The following PRPF8 variants were observed in gnomAD, a reference collection of about 807,000 sequenced individuals.
The protein encoded by PRPF8 is pre-mRNA processing factor 8.
In PRPF8, 64 loss-of-function variants were observed where a neutral mutation model predicts 285.9. The ratio of observed to expected loss-of-function variants is 0.22; its 90% CI spans 0.18 to 0.28. The LOEUF (loss-of-function observed/expected upper bound fraction) is 0.28, where lower values mean the gene tolerates loss of function less well. PRPF8 is among the 10% of genes least tolerant of loss of function. PRPF8 has a pLI of 1.00. For synonymous variants in PRPF8, 1,325 were observed against 1,118.2 expected (o/e 1.18, Z -3.69); for missense variants, 1,426 against 3,026.7 (o/e 0.47, Z 12.41).
At position 1,679,409 on chromosome 17, in the gene PRPF8, A is replaced by G. The variant is rs762948630; in HGVS notation, c.1291T>C (p.Tyr431His). The change falls in exon 10 of 43, where the codon TAT becomes CAT. Residue 431 changes from tyrosine (Y) to histidine (H), a missense_variant and splice_region_variant. Physicochemically the swap from Tyr to His is moderately conservative, Grantham distance 83. Transcript: ENST00000304992. The surrounding 1 kb of genome is among the most constrained non-coding windows in gnomAD (Gnocchi z 4.7). ...TGCCCGGCAGGACAATGCTCCCGAT[A>G]CCTGGAAAAATAAGCCCACCAGAGT... is the stretch of plus-strand genomic sequence containing the variant. Reference protein sequence around the residue: ...ALDIPLVKNWYREHCPAGQPV... With the variant: ...ALDIPLVKNWHREHCPAGQPV... 6.2e-7 allele frequency: 1 copy of G among 1,612,434 alleles called. No individual in the cohort carries two copies. Among genetic ancestry groups the G allele is most frequent in the Admixed American group, 1.7e-5 (1 of 59,988 alleles).
At position 1,681,706 on chromosome 17, in the gene PRPF8, A is replaced by G. The variant is rs377384443; in HGVS notation, c.654-16T>C. ...ATTTACATACCTAGGTAAAAAATGA[A>G]AGGCCCACCTCAAGTAAGCAGCTAG... On this transcript the variant is annotated splice_polypyrimidine_tract_variant and intron_variant, in intron 5 of 42. Coordinates refer to ENST00000304992, the MANE Select transcript of PRPF8 (RefSeq NM_006445.4). The G allele has an allele frequency of 1.2e-6, 2 of 1,613,232 alleles. No individual in the cohort carries two copies. Among genetic ancestry groups the G allele is most frequent in the Non-Finnish European group, 1.7e-6 (2 of 1,179,334 alleles).
chr17:1,659,153 G>A lies in PRPF8; in HGVS notation c.5138+204C>T. 2.9e-6 allele frequency: 2 copies of A among 681,264 alleles called. No individual in the cohort carries two copies. The highest frequency in any genetic ancestry group is 5.2e-6 in the Non-Finnish European group (2 of 385,462). 42.2% of individuals were successfully genotyped at this position (681,264 alleles called of 1,614,324 possible). A position where few individuals can be genotyped will look rare whatever the true frequency, so the allele number is the denominator to read the frequency against. On this transcript the variant is annotated intron_variant, in intron 32 of 42. Coordinates refer to ENST00000304992, the MANE Select transcript of PRPF8 (RefSeq NM_006445.4). The surrounding 1 kb of genome is among the most constrained non-coding windows in gnomAD (Gnocchi z 5.1). ...TAATTCTCCCACCTCAACCTTCTGA[G>A]TAGCTGGGACTACAGGCGTGGACCA...
At position 1,684,827 on chromosome 17, in the gene PRPF8, G is replaced by A. The variant is rs987826695; in HGVS notation, c.-59C>T. The A allele has an allele frequency of 1.0e-5, 6 of 597,140 alleles. No individual in the cohort carries two copies. Among genetic ancestry groups the A allele is most frequent in the Admixed American group, 5.9e-5 (2 of 33,728 alleles). The allele number at this position is 597,140 out of a possible 1,614,324, so 37.0% of individuals were successfully genotyped here. On this transcript the variant is annotated 5_prime_UTR_variant, in exon 1 of 43. Transcript: ENST00000304992. ...GCCGCTTTCCCCGCAGCGCAATGGCGGCCAGACTGCGTCCGCTCCGCGTTC... is the reference window on the plus strand; with the variant it reads ...GCCGCTTTCCCCGCAGCGCAATGGCAGCCAGACTGCGTCCGCTCCGCGTTC...
At position 1,681,583 on chromosome 17, in the gene PRPF8, T is replaced by C; in HGVS notation, c.761A>G (p.Tyr254Cys). The C allele has an allele frequency of 6.2e-7, 1 of 1,613,774 alleles. No individual in the cohort carries two copies. ...GGCCTTCAAATCAAACAGGTAGAAGTAGTTGTCATCCACCAAGTCTGTCAG... is the reference window on the plus strand; with the variant it reads ...GGCCTTCAAATCAAACAGGTAGAAGCAGTTGTCATCCACCAAGTCTGTCAG... ...QLLTDLVDDN[Y>C]FYLFDLKAFF... is the part of the protein sequence containing the mutation. Residue 254 changes from tyrosine (Y) to cysteine (C), a missense_variant, in exon 6 of 43, where the codon TAC becomes TGC. Physicochemically the swap from Tyr to Cys is radical, Grantham distance 194. Transcript: ENST00000304992.
Position 1,661,472 on chromosome 17 carries a change from G to A in PRPF8, c.4203-66C>T. 2 of 1,612,568 alleles carry A rather than the reference G, an allele frequency of 1.2e-6. No homozygotes were observed. The highest frequency in any genetic ancestry group is 2.2e-5 in the East Asian group (1 of 44,876). Reference sequence around the variant, plus strand: ...TATGAGGAGCTCAGCACTCCTTCCTGGCCAAAAATAATTAGGGTCAGTAGA... The same window carrying A: ...TATGAGGAGCTCAGCACTCCTTCCTAGCCAAAAATAATTAGGGTCAGTAGA... On this transcript the variant is annotated intron_variant, in intron 26 of 42. Coordinates refer to ENST00000304992, the MANE Select transcript of PRPF8 (RefSeq NM_006445.4). This position sits in a 1 kb window ranked among gnomAD's most constrained non-coding sequence, Gnocchi z 7.3.
At position 1,659,418 on chromosome 17, in the gene PRPF8, T is replaced by TC; in HGVS notation, c.5076dup (p.Ser1693GlufsTer14). The TC allele has an allele frequency of 6.2e-7, 1 of 1,614,028 alleles. No individual in the cohort carries two copies. Among genetic ancestry groups the TC allele is most frequent in the Non-Finnish European group, 8.5e-7 (1 of 1,180,010 alleles). ...ACACCTGTGGGCGAAGGGTAGATAC[T>TC]CATGTTGTCGGTGGTGTAGTCCAGG... On this transcript the variant is annotated frameshift_variant, in exon 32 of 43. Coordinates refer to ENST00000304992, the MANE Select transcript of PRPF8 (RefSeq NM_006445.4). LOFTEE classifies it high-confidence loss of function. This position sits in a 1 kb window ranked among gnomAD's most constrained non-coding sequence, Gnocchi z 5.1.
chr17:1,681,744 C>T (rs1379906015), intron 5 of PRPF8, 54 bp from the exon 6 acceptor site: 1 of 1,609,204 alleles, frequency 6.2e-7, no homozygotes, highest in Non-Finnish European at 8.5e-7. Context: ...AAACCCATAC[C>T]ACCTACTGAT....
chr17:1,674,132 C>T (rs1437259573), intron 21 of PRPF8, among the ~76,000 whole-genome samples: 1 of 152,230 alleles, frequency 6.6e-6, no homozygotes, highest in East Asian at 1.9e-4. Context: ...ACGCCCTTCT[C>T]CAGCCTCAGC....
intron 1 of PRPF8, 55 bp from the exon 2 acceptor site, chr17:1,684,637 A>T: frequency 6.5e-7 from 1 of 1,548,676 alleles, no homozygotes; most frequent in Non-Finnish European, 8.8e-7. Context: ...GCCCACAAGA[A>T]GCGCAGCAGA....
chr17:1,665,801 G>C (rs1236992008), intron 24 of PRPF8, among the ~76,000 whole-genome samples: 1 of 149,478 alleles, frequency 6.7e-6, no homozygotes, highest in African/African-American at 2.5e-5. Flanking sequence ...AGCTGAGATC[G>C]CGCCACTGCA....
chr17:1,664,478 CAG>C (rs2151118533), intron 24 of PRPF8, among the ~76,000 whole-genome samples: 1 of 152,184 alleles, frequency 6.6e-6, no homozygotes, highest in Non-Finnish European at 1.5e-5. Context: ...ACACATAGGA[CAG>C]GCACCAAGAG....
At chr17:1,655,309 T>G in intron 37 of PRPF8, 41 bp downstream of exon 37, 1 of 1,609,034 alleles carries the variant, frequency 6.2e-7, no homozygotes, top group South Asian at 1.1e-5. Flanking sequence ...CAGAAAACCG[T>G]ATATAGACCT....
chr17:1,682,993 T>TTTC, intron 3 of PRPF8: 1 of 177,772 alleles, frequency 5.6e-6, no homozygotes, highest in African/African-American at 2.8e-5. Context: ...ACATCTTATT[T>TTTC]TTCATTTTTT....
intron 37 of PRPF8, chr17:1,654,419 G>GGT (rs375223658): frequency 1.0e-4 from 37 of 357,548 alleles, no homozygotes; most frequent in East Asian, 2.7e-4. Context: ...AGGGGAGGAA[G>GGT]GTGTGTGTGT....
rs993434216 is a variant in PRPF8, at chr17:1,673,653, C to T, written c.3447-86G>A. On this transcript the variant is annotated intron_variant, in intron 22 of 42. Coordinates refer to ENST00000304992, the MANE Select transcript of PRPF8 (RefSeq NM_006445.4). This position sits in a 1 kb window ranked among gnomAD's most constrained non-coding sequence, Gnocchi z 5.5. ...AACTGATGACATCCTGACACAGCCACGCCTCTCCCACCCAGGACGCAGCCT... is the reference window on the plus strand; with the variant it reads ...AACTGATGACATCCTGACACAGCCATGCCTCTCCCACCCAGGACGCAGCCT... 2.3e-5 allele frequency: 37 copies of T among 1,611,318 alleles called. No individual in the cohort carries two copies. Among genetic ancestry groups the T allele is most frequent in the Non-Finnish European group, 2.8e-5 (33 of 1,178,816 alleles).
intron 13 of PRPF8, chr17:1,678,302 A>C (rs1912720446): frequency 3.5e-6 from 2 of 570,800 alleles, no homozygotes; most frequent in Admixed American, 2.9e-5. Flanking sequence ...GCAACAGAGA[A>C]AGACTCAGTT....
Position 1,653,455 on chromosome 17 carries a change from C to T in PRPF8, c.6369+87G>A, listed in dbSNP as rs1911191618. On this transcript the variant is annotated intron_variant, in intron 39 of 42. Coordinates refer to ENST00000304992, the MANE Select transcript of PRPF8 (RefSeq NM_006445.4). The surrounding 1 kb of genome is among the most constrained non-coding windows in gnomAD (Gnocchi z 4.9). ...CATCCATGAATCTTGAAACCAGCAT[C>T]TCAAGTTCCAGACAATCTCAGGTCT... 1 of 1,556,072 alleles carries T rather than the reference C, an allele frequency of 6.4e-7. No homozygotes were observed. Among genetic ancestry groups the T allele is most frequent in the Admixed American group, 1.7e-5 (1 of 59,416 alleles).
At position 1,658,516 on chromosome 17, in the gene PRPF8, TAACA is replaced by T. The variant is rs773108151; in HGVS notation, c.5376+6_5376+9del. On this transcript the variant is annotated splice_donor_region_variant and intron_variant, in intron 33 of 42. Coordinates refer to ENST00000304992, the MANE Select transcript of PRPF8 (RefSeq NM_006445.4). The surrounding 1 kb of genome is among the most constrained non-coding windows in gnomAD (Gnocchi z 4.1). ...GAGTCCCGCACCTATACACTGCTGC[TAACA>T]CTCACCTTGTGAATAGTCACTCTGT... The T allele has an allele frequency of 4.3e-6, 7 of 1,612,114 alleles. No individual in the cohort carries two copies. The African/African-American group carries it at 9.3e-5, about 22-fold the overall frequency.
chr17:1,683,128 T>A, intron 3 of PRPF8: 1 of 297,246 alleles, frequency 3.4e-6, no homozygotes, highest in Non-Finnish European at 6.6e-6. Flanking sequence ...CCCAAGTAGC[T>A]GGGACTACAG....
Sources: allele counts gnomAD v4.1 joint callset (sites outside exome capture counted in the v4.1 genomes callset), GRCh38; gene constraint gnomAD v4.1.1; non-coding constraint Gnocchi (gnomAD v3.1); transcripts MANE v1.5; gene names NCBI Gene and HGNC (gene_info 2026-07-23, HGNC 2026-07-21).